Variants in SUGT1 observed in about 807,000 individuals in gnomAD.
The protein encoded by SUGT1 is SGT1 assembly cochaperone of MIS12 kinetochore complex.
Under a neutral mutation model 56.1 loss-of-function variants are expected in SUGT1, and 15 were observed. The observed-to-expected ratio is 0.27, with a 90% CI of 0.18 to 0.41. The LOEUF is 0.41. Ranked by LOEUF, SUGT1 falls within the 10% of genes least tolerant of loss-of-function variation. The pLI is 1.00. For synonymous variants in SUGT1, 123 were observed against 128.6 expected (o/e 0.96, Z 0.30); for missense variants, 347 against 382.2 (o/e 0.91, Z 0.77).
At position 52,697,548 on chromosome 13, in the gene SUGT1, G is replaced by A. The variant is rs751326535; in HGVS notation, c.*9713G>A. 1 of 152,102 alleles carries A rather than the reference G, an allele frequency of 6.6e-6. No individual in the cohort carries two copies. The highest frequency in any genetic ancestry group is 2.4e-5 in the African/African-American group (1 of 41,404). The allele number at this position is 152,102 out of a possible 1,614,324, so 9.4% of individuals were successfully genotyped here. On this transcript the variant is annotated 3_prime_UTR_variant, in exon 13 of 13. Coordinates refer to ENST00000310528, the MANE Select transcript of SUGT1 (RefSeq NM_006704.5). Reference sequence around the variant, plus strand: ...GGAGACAAAAGTTTGAATTGCTCACGTGTCCATTTTTTTTCTGGAATCCCT... The same window carrying A: ...GGAGACAAAAGTTTGAATTGCTCACATGTCCATTTTTTTTCTGGAATCCCT...
At chr13:52,687,591 A>G in intron 12 of SUGT1, 143 bp from the exon 13 acceptor site, 1 of 437,722 alleles carries the variant, frequency 2.3e-6, no homozygotes, top group Non-Finnish European at 4.0e-6. Context: ...TGTATAATCT[A>G]TTATATATGT....
chr13:52,663,930 C>A, intron 7 of SUGT1, 105 bp from the exon 8 acceptor site: 1 of 1,020,402 alleles, frequency 9.8e-7, no homozygotes, highest in Non-Finnish European at 1.5e-6. Flanking sequence ...AAAATAACTG[C>A]AGTGTTGGGT....
At chr13:52,659,971 G>T (rs1594231633) in intron 5 of SUGT1, among the ~76,000 whole-genome samples, 1 of 150,952 alleles carries the variant, frequency 6.6e-6, no homozygotes, top group South Asian at 2.1e-4. Context: ...TGGGACTACA[G>T]GCGACCACCA....
At chr13:52,668,135 G>T (rs1383284707) in intron 10 of SUGT1, among the ~76,000 whole-genome samples, 1 of 151,816 alleles carries the variant, frequency 6.6e-6, no homozygotes, top group Non-Finnish European at 1.5e-5. Context: ...GTCATGTACT[G>T]CCACGCCCAG....
chr13:52,666,502 AT>A (rs1277025716), intron 9 of SUGT1, among the ~76,000 whole-genome samples: 1 of 152,200 alleles, frequency 6.6e-6, no homozygotes, highest in Non-Finnish European at 1.5e-5. Context: ...GTTATATATC[AT>A]TTTGCTTTTG....
rs536525784 is a variant in SUGT1 at position 52,691,420 on chromosome 13, C to T, written c.*3585C>T. 2 of 152,304 alleles carry T rather than the reference C, an allele frequency of 1.3e-5. No homozygotes were observed. Among genetic ancestry groups the T allele is most frequent in the Non-Finnish European group, 2.9e-5 (2 of 68,026 alleles). The allele number at this position is 152,304 out of a possible 1,614,324, so 9.4% of individuals were successfully genotyped here. A position where few individuals can be genotyped will look rare whatever the true frequency, so the allele number is the denominator to read the frequency against. On this transcript the variant is annotated 3_prime_UTR_variant, in exon 13 of 13. Transcript: ENST00000310528. ...CCCACTTTACCTTTCTCTATTCCTT[C>T]CTCAGTTATCTACATATCAGATTAG... is the stretch of plus-strand genomic sequence containing the variant.
chr13:52,653,739 C>G (rs989781340), intron 2 of SUGT1, among the ~76,000 whole-genome samples: 1 of 152,070 alleles, frequency 6.6e-6, no homozygotes, highest in Admixed American at 6.6e-5. Context: ...TGTAAAAGAT[C>G]AAGAGTTAAA....
intron 5 of SUGT1, among the ~76,000 whole-genome samples, chr13:52,659,808 A>G (rs1333615490): frequency 5.6e-5 from 1 of 17,998 alleles, no homozygotes; most frequent in African/African-American, 1.9e-4. Flanking sequence ...ATATATATAT[A>G]TATATATTTT....
At chr13:52,674,595 G>A (rs911813264) in intron 10 of SUGT1, among the ~76,000 whole-genome samples, 2 of 152,124 alleles carry the variant, frequency 1.3e-5, no homozygotes, top group Non-Finnish European at 2.9e-5. Context: ...GGAATTGCTA[G>A]TTTAATGAGT....
intron 12 of SUGT1, among the ~76,000 whole-genome samples, chr13:52,685,840 G>C (rs1031160588): frequency 6.6e-6 from 1 of 152,200 alleles, no homozygotes; most frequent in Non-Finnish European, 1.5e-5. Context: ...TATTAGGAGA[G>C]ATGCGGGGGT....
intron 9 of SUGT1, 47 bp downstream of exon 9, chr13:52,665,780 A>G (rs370981288): frequency 3.5e-5 from 45 of 1,280,964 alleles, no homozygotes; most frequent in Non-Finnish European, 3.7e-5. Flanking sequence ...ATTATTTGCA[A>G]ATTTAGTATA....
At chr13:52,686,421 G>A (rs968970226) in intron 12 of SUGT1, among the ~76,000 whole-genome samples, 8 of 152,304 alleles carry the variant, frequency 5.3e-5, no homozygotes, top group African/African-American at 1.9e-4. Context: ...ACCTTAAATT[G>A]CAACAATGCA....
Position 52,664,052 on chromosome 13 carries a change from A to T in SUGT1, c.417A>T (p.Lys139Asn), listed in dbSNP as rs748340142. The change falls in exon 8 of 13, where the codon AAA (lysine) becomes AAT (asparagine). Residue 139 changes from lysine to asparagine, a missense_variant. Lys to Asn is a moderately conservative substitution (Grantham distance 94). Coordinates refer to ENST00000310528, the MANE Select transcript of SUGT1 (RefSeq NM_006704.5). ...CATCCCAGTGGACTCATCAGTCAAA[A>T]ATCAAGTGAGTGTTTCTTTTTCATA... ...SESEVWTHQS[K>N]IKYDWYQTES... The T allele has an allele frequency of 6.2e-7, 1 of 1,613,244 alleles. No individual in the cohort carries two copies. Among genetic ancestry groups the T allele is most frequent in the Non-Finnish European group, 8.5e-7 (1 of 1,179,576 alleles).
chr13:52,668,729 A>G (rs1249516072), intron 10 of SUGT1, among the ~76,000 whole-genome samples: 1 of 151,402 alleles, frequency 6.6e-6, no homozygotes, highest in Non-Finnish European at 1.5e-5. Flanking sequence ...AAAATAATGA[A>G]TTTGACTTTT....
At chr13:52,663,501 C>G (rs978729606) in intron 7 of SUGT1, among the ~76,000 whole-genome samples, 1 of 152,104 alleles carries the variant, frequency 6.6e-6, no homozygotes, top group Non-Finnish European at 1.5e-5. Flanking sequence ...CAGGGTCTTG[C>G]TCTGTCATGC....
chr13:52,678,718 A>T (rs1594250708), intron 11 of SUGT1, among the ~76,000 whole-genome samples: 1 of 149,294 alleles, frequency 6.7e-6, no homozygotes. Flanking sequence ...TTGCTGTGTC[A>T]CCCAGGCTGG....
chr13:52,672,327 A>G (rs1431146141), intron 10 of SUGT1, among the ~76,000 whole-genome samples: 1 of 152,184 alleles, frequency 6.6e-6, no homozygotes, highest in Non-Finnish European at 1.5e-5. Flanking sequence ...TTACTTTAAG[A>G]AGAACAGAGG....
At position 52,698,897 on chromosome 13, in the gene SUGT1, T is replaced by TCCTCCTGAGATTTTGAATCAGTA. The variant is rs1964009119; in HGVS notation, c.*11066_*11088dup. 2 of 152,234 alleles carry TCCTCCTGAGATTTTGAATCAGTA rather than the reference T, an allele frequency of 1.3e-5. No homozygotes were observed. Among genetic ancestry groups the TCCTCCTGAGATTTTGAATCAGTA allele is most frequent in the South Asian group, 4.1e-4 (2 of 4,830 alleles). 9.4% of individuals were successfully genotyped at this position (152,234 alleles called of 1,614,324 possible). A position where few individuals can be genotyped will look rare whatever the true frequency, so the allele number is the denominator to read the frequency against. ...TTAAAAATGTAGACCTTCATTACTT[T>TCCTCCTGAGATTTTGAATCAGTA]CCTCCTGAGATTTTGAATCAGTACC... On this transcript the variant is annotated 3_prime_UTR_variant, in exon 13 of 13. Coordinates refer to ENST00000310528, the MANE Select transcript of SUGT1 (RefSeq NM_006704.5).
intron 10 of SUGT1, among the ~76,000 whole-genome samples, chr13:52,671,718 C>G (rs997596525): frequency 2.0e-5 from 3 of 152,052 alleles, no homozygotes; most frequent in Admixed American, 1.3e-4. Flanking sequence ...TCTTGAGAAC[C>G]CTAAATGAGT....
Sources: allele counts gnomAD v4.1 joint callset (sites outside exome capture counted in the v4.1 genomes callset), GRCh38; gene constraint gnomAD v4.1.1; transcripts MANE v1.5; gene names NCBI Gene and HGNC (gene_info 2026-07-23, HGNC 2026-07-21).